TTC29: variants seen among roughly 807,000 people sequenced by gnomAD.
TTC29 encodes tetratricopeptide repeat domain 29.
A neutral mutation model predicts 58.1 loss-of-function variants in TTC29; 49 were observed. That is an observed-to-expected ratio of 0.84 (90% CI 0.67 to 1.07). The LOEUF (loss-of-function observed/expected upper bound fraction) is 1.07. TTC29 is among the 50% of genes least tolerant of loss of function. The pLI is 0.00. For missense variants in TTC29, 582 were observed against 555.6 expected (o/e 1.05, Z -0.48); for synonymous variants, 209 against 196.8 (o/e 1.06, Z -0.52).
At chr4:146,776,708 C>T (rs149727992) in intron 11 of TTC29, among the ~76,000 whole-genome samples, 312 of 152,310 alleles carry the variant, frequency 2.0e-3, no homozygotes, top group African/African-American at 7.0e-3. Context: ...AAAAGCACTT[C>T]ATTGGGGCAG....
At chr4:146,903,402 G>A (rs532336520) in intron 6 of TTC29, 142 bp downstream of exon 6, 19 of 659,172 alleles carry the variant, frequency 2.9e-5, no homozygotes, top group Non-Finnish European at 4.3e-5. Context: ...CAAGTCACAT[G>A]GTTTTGCTTT....
Position 146,785,079 on chromosome 4 carries a change from TTG to T in TTC29, c.1330+18376_1330+18377del, listed in dbSNP as rs1271956508. On this transcript the variant is annotated intron_variant, in intron 11 of 12. Coordinates refer to ENST00000325106, the MANE Select transcript of TTC29 (RefSeq NM_031956.4). The stretch of plus-strand genomic sequence containing the variant: ...TTGCTGCATGTTTGTTTGATAGGTT[TTG>T]TGTAAGAGTGTGTGTGTCTCTGTGT... Among the ~76,000 whole-genome samples, 4 of 152,134 alleles carry T rather than the reference TTG, an allele frequency of 2.6e-5. No homozygotes were observed. The East Asian group carries it at 7.7e-4, about 29-fold the overall frequency.
At position 146,903,597 on chromosome 4, in the gene TTC29, C is replaced by T; in HGVS notation, c.533G>A (p.Gly178Glu). 3 of 1,612,452 alleles carry T rather than the reference C, an allele frequency of 1.9e-6. No individual in the cohort carries two copies. The highest frequency in any genetic ancestry group is 1.3e-5 in the African/African-American group (1 of 74,928). The change falls in exon 6 of 13, where the codon GGG becomes GAG. Residue 178 changes from glycine to glutamate, a missense_variant. Transcript: ENST00000325106. The part of the protein sequence containing the change: ...KIAQLIKIDC[G>E]KKEAEAHMHM... ...CATGTGTGCCTCGGCTTCTTTCTTC[C>T]CACAGTCAATTTTGATCAGCTGAGC...
intron 11 of TTC29, among the ~76,000 whole-genome samples, chr4:146,719,504 C>A (rs1208052761): frequency 1.3e-5 from 2 of 152,094 alleles, no homozygotes; most frequent in African/African-American, 4.8e-5. Flanking sequence ...TTAAGAAAAC[C>A]TCTTAGGCAA....
chr4:146,904,232 G>A (rs992651487), intron 5 of TTC29, among the ~76,000 whole-genome samples: 1 of 151,998 alleles, frequency 6.6e-6, no homozygotes, highest in African/African-American at 2.4e-5. Flanking sequence ...GGGCCTGATA[G>A]ATACAACAAA....
intron 5 of TTC29, among the ~76,000 whole-genome samples, chr4:146,904,198 T>C (rs1733365442): frequency 1.3e-5 from 2 of 152,140 alleles, no homozygotes; most frequent in Admixed American, 6.5e-5. Context: ...AATACCAAGG[T>C]ATTTCATATC....
chr4:146,846,626 T>C (rs1729190157), intron 8 of TTC29, among the ~76,000 whole-genome samples: 1 of 152,186 alleles, frequency 6.6e-6, no homozygotes, highest in African/African-American at 2.4e-5. Flanking sequence ...TTTCTGGCTC[T>C]GCAGAAAAGG....
chr4:146,725,257 A>G (rs1205578832), intron 11 of TTC29, among the ~76,000 whole-genome samples: 2 of 152,212 alleles, frequency 1.3e-5, no homozygotes, highest in Non-Finnish European at 2.9e-5. Flanking sequence ...TGGAAAGGCC[A>G]GACTGGTAGA....
chr4:146,935,423 T>C (rs1735721291), intron 4 of TTC29, among the ~76,000 whole-genome samples: 1 of 152,204 alleles, frequency 6.6e-6, no homozygotes, highest in Non-Finnish European at 1.5e-5. Flanking sequence ...GGATATATCT[T>C]AGACATTGTT....
At chr4:146,803,331 A>G (rs1579709936) in intron 11 of TTC29, 126 bp downstream of exon 11, 1 of 686,500 alleles carries the variant, frequency 1.5e-6, no homozygotes, top group East Asian at 2.7e-5. Context: ...GTAGTAATGG[A>G]TCCATAAAAT....
intron 10 of TTC29, among the ~76,000 whole-genome samples, chr4:146,818,087 T>A (rs544160582): frequency 1.3e-5 from 2 of 152,064 alleles, no homozygotes; most frequent in Non-Finnish European, 2.9e-5. Context: ...ACAAATGGGA[T>A]CTAATTAAAC....
intron 4 of TTC29, among the ~76,000 whole-genome samples, chr4:146,926,118 T>C (rs1734913389): frequency 6.6e-6 from 1 of 152,192 alleles, no homozygotes; most frequent in Admixed American, 6.5e-5. Flanking sequence ...GAAAGAAAAC[T>C]TAACGAGGAT....
chr4:146,937,220 G>T (rs1735906024), intron 4 of TTC29, among the ~76,000 whole-genome samples: 1 of 151,962 alleles, frequency 6.6e-6, no homozygotes, highest in Admixed American at 6.6e-5. Flanking sequence ...CATTAGTAAG[G>T]TGTTTCTTTT....
chr4:146,741,964 C>T (rs1745186213), intron 11 of TTC29, among the ~76,000 whole-genome samples: 1 of 152,146 alleles, frequency 6.6e-6, no homozygotes, highest in Non-Finnish European at 1.5e-5. Context: ...GGAGTTAGCA[C>T]TGTGGGAAAT....
chr4:146,817,348 T>C (rs1751482820), intron 10 of TTC29, among the ~76,000 whole-genome samples: 1 of 152,154 alleles, frequency 6.6e-6, no homozygotes, highest in African/African-American at 2.4e-5. Flanking sequence ...TCAAAGAGAA[T>C]AAAATACTTA....
intron 11 of TTC29, among the ~76,000 whole-genome samples, chr4:146,796,914 G>C (rs540724487): frequency 1.3e-5 from 2 of 152,144 alleles, no homozygotes; most frequent in South Asian, 4.1e-4. Flanking sequence ...CCTTTGTGCA[G>C]TAGGCTGTGA....
At chr4:146,834,982 C>T (rs1018438760) in intron 8 of TTC29, among the ~76,000 whole-genome samples, 51 of 152,180 alleles carry the variant, frequency 3.4e-4, no homozygotes, top group Non-Finnish European at 5.4e-4. Context: ...TTAATTCCTG[C>T]TAAAAACCAC....
rs542107715 is a variant in TTC29 at position 146,756,071 on chromosome 4, G to A, written c.1330+47386C>T. Among the ~76,000 whole-genome samples, 10 of 152,086 alleles carry A rather than the reference G, an allele frequency of 6.6e-5. 1 individual carries two copies. In the South Asian group the frequency reaches 1.7e-3, roughly 25 times the overall value. Reference sequence around the variant, plus strand: ...AGGTGGATCATGAGGTCAGGAGATCGAGACCATACTGGCTAACATAATGAA... The same window carrying A: ...AGGTGGATCATGAGGTCAGGAGATCAAGACCATACTGGCTAACATAATGAA... On this transcript the variant is annotated intron_variant, in intron 11 of 12. Coordinates refer to ENST00000325106, the MANE Select transcript of TTC29 (RefSeq NM_031956.4).
In TTC29 at chr4:146,882,471, TTTTAC is replaced by T. The variant is rs140922906; in HGVS notation, c.587-7548_587-7544del. Among the ~76,000 whole-genome samples the T allele has an allele frequency of 3.9e-3, 601 of 152,248 alleles. 6 individuals carry two copies. The highest frequency in any genetic ancestry group is 0.013 in the African/African-American group (558 of 41,572). Reference sequence around the variant, plus strand: ...ACTATTTTCCTCATATAATAAATTGTTTTACTTTAATGTTCCCACCTTATCTTAAA... The same window carrying T: ...ACTATTTTCCTCATATAATAAATTGTTTTAATGTTCCCACCTTATCTTAAA... On this transcript the variant is annotated intron_variant, in intron 6 of 12. Coordinates refer to ENST00000325106, the MANE Select transcript of TTC29 (RefSeq NM_031956.4).
Sources: allele counts gnomAD v4.1 joint callset (sites outside exome capture counted in the v4.1 genomes callset), GRCh38; gene constraint gnomAD v4.1.1; transcripts MANE v1.5; gene names NCBI Gene and HGNC (gene_info 2026-07-23, HGNC 2026-07-21).